VEGFC: variants seen among roughly 807,000 people sequenced by gnomAD.
VEGFC encodes vascular endothelial growth factor C, also known as FLT4 ligand DHM.
In VEGFC, 12 loss-of-function variants were observed where a neutral mutation model predicts 46.1. The observed-to-expected ratio is 0.26, with a 90% CI of 0.17 to 0.42. The LOEUF is 0.42. Ranked by LOEUF, VEGFC falls within the 10% of genes least tolerant of loss-of-function variation. The pLI, the probability that VEGFC is intolerant of heterozygous loss-of-function variation, is 1.00. For synonymous variants in VEGFC, 232 were observed against 195.5 expected, an observed-to-expected ratio of 1.19 and a Z score of -1.56; for missense variants, 488 against 529.4, an observed-to-expected ratio of 0.92 and a Z score of 0.77.
chr4:176,758,068 T>C (rs922685636), intron 1 of VEGFC, among the ~76,000 whole-genome samples: 4 of 152,136 alleles, frequency 2.6e-5, no homozygotes, highest in African/African-American at 9.7e-5. Flanking sequence ...TTCAATAATA[T>C]ACATTCTTTA....
At chr4:176,753,658 G>T (rs1735376884) in intron 1 of VEGFC, among the ~76,000 whole-genome samples, 1 of 152,104 alleles carries the variant, frequency 6.6e-6, no homozygotes, top group South Asian at 2.1e-4. Context: ...CTGCATACAT[G>T]AATTGTTTTA....
At chr4:176,743,475 C>A (rs948064068) in intron 1 of VEGFC, among the ~76,000 whole-genome samples, 7 of 151,270 alleles carry the variant, frequency 4.6e-5, no homozygotes, top group Non-Finnish European at 8.8e-5. Context: ...GTACCATGCA[C>A]AATTATGTAG....
In VEGFC at chr4:176,792,032, C is replaced by T. The variant is rs1736103022; in HGVS notation, c.147+133G>A. 1 of 1,228,944 alleles carries T rather than the reference C, an allele frequency of 8.1e-7. No individual in the cohort carries two copies. 76.1% of individuals were successfully genotyped at this position (1,228,944 alleles called of 1,614,324 possible). A position where few individuals can be genotyped will look rare whatever the true frequency, so the allele number is the denominator to read the frequency against. ...AGATTTTTCTCCAAAGCAGCGTGCACTGAGCTCAGTAACTTTGGATCCCAC... is the reference window on the plus strand; with the variant it reads ...AGATTTTTCTCCAAAGCAGCGTGCATTGAGCTCAGTAACTTTGGATCCCAC... On this transcript the variant is annotated intron_variant, in intron 1 of 6. Coordinates refer to ENST00000618562, the MANE Select transcript of VEGFC (RefSeq NM_005429.5). The surrounding 1 kb of genome is among the most constrained non-coding windows in gnomAD (Gnocchi z 6.3).
chr4:176,786,940 C>G (rs1007105712), intron 1 of VEGFC, among the ~76,000 whole-genome samples: 1 of 152,076 alleles, frequency 6.6e-6, no homozygotes, highest in African/African-American at 2.4e-5. Flanking sequence ...ATCCAAAATG[C>G]CTGGAGACTG....
chr4:176,711,817 C>T (rs1447856784), intron 3 of VEGFC, among the ~76,000 whole-genome samples, 167 bp from the exon 4 acceptor site: 1 of 152,126 alleles, frequency 6.6e-6, no homozygotes, highest in Non-Finnish European at 1.5e-5. Context: ...CTGTCTTGCT[C>T]CTAACCAGTA....
rs1736132193 is a variant in VEGFC, at chr4:176,792,875, C to G, written c.-564G>C. On this transcript the variant is annotated 5_prime_UTR_variant, in exon 1 of 7. Coordinates refer to ENST00000618562, the MANE Select transcript of VEGFC (RefSeq NM_005429.5). The surrounding 1 kb of genome is among the most constrained non-coding windows in gnomAD (Gnocchi z 6.3). ...GCGGCGCAGGATCCTCCAGAGCGCG[C>G]CGGGCTGAGCGGCGGCGGCGGCGGC... The G allele has an allele frequency of 6.5e-6, 1 of 153,436 alleles. No individual in the cohort carries two copies. Among genetic ancestry groups the G allele is most frequent in the Admixed American group, 6.7e-5 (1 of 14,850 alleles). 9.5% of individuals were successfully genotyped at this position (153,436 alleles called of 1,614,324 possible). A position where few individuals can be genotyped will look rare whatever the true frequency, so the allele number is the denominator to read the frequency against.
chr4:176,780,387 A>AAAAAAAAAAAAAAAAAAAAAC (rs541639588), intron 1 of VEGFC, among the ~76,000 whole-genome samples: 6 of 114,780 alleles, frequency 5.2e-5, no homozygotes, highest in Admixed American at 1.0e-4. Flanking sequence ...ATCTCAAAAA[A>AAAAAAAAAAAAAAAAAAAAAC]AAAAAAAAAA....
intron 1 of VEGFC, among the ~76,000 whole-genome samples, chr4:176,786,100 C>G (rs911350841): frequency 6.6e-6 from 1 of 152,064 alleles, no homozygotes; most frequent in African/African-American, 2.4e-5. Context: ...TTTAAGAAAC[C>G]CTGCAGTTGA....
intron 1 of VEGFC, among the ~76,000 whole-genome samples, chr4:176,754,219 G>C (rs1034128553): frequency 5.3e-5 from 8 of 151,464 alleles, no homozygotes; most frequent in African/African-American, 1.5e-4. Flanking sequence ...TTAAAACATA[G>C]GTCTTAACTT....
chr4:176,724,343 TAA>T (rs1159070314), intron 3 of VEGFC, among the ~76,000 whole-genome samples: 1 of 152,176 alleles, frequency 6.6e-6, no homozygotes, highest in Non-Finnish European at 1.5e-5. Flanking sequence ...TATGTGATAC[TAA>T]AAGAGATTTG....
intron 1 of VEGFC, among the ~76,000 whole-genome samples, chr4:176,740,408 A>ATAGAGTATATATAAC (rs1735148626): frequency 4.1e-5 from 4 of 98,514 alleles, no homozygotes; most frequent in African/African-American, 1.7e-4. Flanking sequence ...ATATATAGTT[A>ATAGAGTATATATAAC]TATATATTCT....
chr4:176,687,141 A>G, intron 6 of VEGFC, 46 bp downstream of exon 6: 1 of 1,562,074 alleles, frequency 6.4e-7, no homozygotes, highest in Non-Finnish European at 8.7e-7. Context: ...GGTTTAGAGC[A>G]TATTTCTAGT....
intron 4 of VEGFC, among the ~76,000 whole-genome samples, chr4:176,691,468 CCA>C (rs199856058): frequency 1.3e-5 from 2 of 151,334 alleles, no homozygotes; most frequent in Non-Finnish European, 3.0e-5. Context: ...ACCGACCCCA[CCA>C]CACACACACA....
intron 4 of VEGFC, among the ~76,000 whole-genome samples, chr4:176,703,249 A>G (rs1734466114): frequency 6.6e-6 from 1 of 152,142 alleles, no homozygotes. Flanking sequence ...GAAGTTAAAA[A>G]TAAAGAAAAT....
intron 1 of VEGFC, among the ~76,000 whole-genome samples, chr4:176,759,490 A>G (rs562794570): frequency 6.6e-6 from 1 of 152,142 alleles, no homozygotes; most frequent in East Asian, 1.9e-4. Flanking sequence ...CAACGGGGAG[A>G]TGTTGTGTAC....
chr4:176,691,856 A>C (rs1355222281), intron 4 of VEGFC, among the ~76,000 whole-genome samples: 1 of 152,208 alleles, frequency 6.6e-6, no homozygotes, highest in East Asian at 1.9e-4. Context: ...AACGCAGAAG[A>C]CGGGTGATTT....
At chr4:176,710,281 GA>G (rs2110997826) in intron 4 of VEGFC, among the ~76,000 whole-genome samples, 1 of 152,314 alleles carries the variant, frequency 6.6e-6, no homozygotes, top group South Asian at 2.1e-4. Context: ...CAGGGCTGAG[GA>G]AGGTGAACAG....
At chr4:176,700,325 G>A (rs1734405144) in intron 4 of VEGFC, among the ~76,000 whole-genome samples, 1 of 151,930 alleles carries the variant, frequency 6.6e-6, no homozygotes, top group Non-Finnish European at 1.5e-5. Flanking sequence ...GCTGAGGCAG[G>A]AGAATCGCTG....
At chr4:176,757,456 T>C (rs1735451626) in intron 1 of VEGFC, among the ~76,000 whole-genome samples, 1 of 152,098 alleles carries the variant, frequency 6.6e-6, no homozygotes, top group Non-Finnish European at 1.5e-5. Flanking sequence ...CTATAATGGG[T>C]AATTTGATCT....
Sources: allele counts gnomAD v4.1 joint callset (sites outside exome capture counted in the v4.1 genomes callset), GRCh38; gene constraint gnomAD v4.1.1; non-coding constraint Gnocchi (gnomAD v3.1); transcripts MANE v1.5; gene names NCBI Gene and HGNC (gene_info 2026-07-23, HGNC 2026-07-21).